The following EMC7 variants were observed in gnomAD, a reference collection of about 807,000 sequenced individuals.
EMC7 encodes ER membrane protein complex subunit 7, also known as endoplasmic reticulum membrane protein complex subunit 7.
Under a neutral mutation model 24.4 loss-of-function variants are expected in EMC7, and 4 were observed. That is an observed-to-expected ratio of 0.16 (90% CI 0.08 to 0.38). The LOEUF (loss-of-function observed/expected upper bound fraction) is 0.38, where lower values mean the gene tolerates loss of function less well. EMC7 is among the 10% of genes least tolerant of loss of function. The pLI is 1.00. For synonymous variants in EMC7, 106 were observed against 112.0 expected (o/e 0.95, Z 0.34); for missense variants, 221 against 300.6 (o/e 0.74, Z 1.96).
chr15:34,095,954 T>A lies in EMC7; in HGVS notation c.297A>T (p.Val99=). The A allele has an allele frequency of 1.2e-6, 2 of 1,611,102 alleles. No individual in the cohort carries two copies. Among genetic ancestry groups the A allele is most frequent in the Non-Finnish European group, 1.7e-6 (2 of 1,177,710 alleles). The change falls in exon 2 of 5, where the codon GTA becomes GTT. Residue 99 remains valine, a synonymous_variant. Transcript: ENST00000256545. The stretch of plus-strand genomic sequence containing the variant: ...CGGGATCAAATCTGTAAGCTGGAGA[T>A]ACAACTTCCACTACATAAGATCCAG... The part of the protein sequence containing the change: ...IPSGSYVVEV[V]SPAYRFDPVR...
chr15:34,086,549 C>T (rs754717184), intron 4 of EMC7, among the ~76,000 whole-genome samples: 1 of 152,162 alleles, frequency 6.6e-6, no homozygotes, highest in Non-Finnish European at 1.5e-5. Flanking sequence ...CTGTCTCAGC[C>T]TCCCAAGTAG....
intron 2 of EMC7, among the ~76,000 whole-genome samples, chr15:34,094,484 G>A (rs548143559): frequency 2.8e-4 from 43 of 152,086 alleles, no homozygotes; most frequent in African/African-American, 9.2e-4. Flanking sequence ...GCAGTGAGCC[G>A]AAATCACACC....
intron 1 of EMC7, among the ~76,000 whole-genome samples, chr15:34,097,280 G>A (rs1396262052): frequency 3.3e-5 from 5 of 151,986 alleles, no homozygotes; most frequent in Admixed American, 1.3e-4. Context: ...TGATCCGCCC[G>A]CCTCGGCCTC....
chr15:34,097,059 A>C (rs1250721057), intron 1 of EMC7, among the ~76,000 whole-genome samples: 2 of 2,114 alleles, frequency 9.5e-4, no homozygotes, highest in African/African-American at 3.4e-3. Flanking sequence ...TTTGAGACGG[A>C]GTCTCACTCT....
At position 34,094,407 on chromosome 15, in the gene EMC7, T is replaced by TGC. The variant is rs541864118; in HGVS notation, c.356+1486_356+1487dup. Among the ~76,000 whole-genome samples the TGC allele has an allele frequency of 3.2e-4, 48 of 152,134 alleles. No individual in the cohort carries two copies. In the South Asian group the frequency reaches 9.3e-3, roughly 30 times the overall value. On this transcript the variant is annotated intron_variant, in intron 2 of 4. Coordinates refer to ENST00000256545, the MANE Select transcript of EMC7 (RefSeq NM_020154.3). ...AAATTAGCCGGGCGTTGGTGGTAGGTGCCTGTAGTCCCAGCTACTTAGGAG... is the reference window on the plus strand; with the variant it reads ...AAATTAGCCGGGCGTTGGTGGTAGGTGCGCCTGTAGTCCCAGCTACTTAGGAG...
In EMC7 at chr15:34,084,278, T is replaced by C. The variant is rs1289084663; in HGVS notation, c.*56A>G. 1.9e-6 allele frequency: 3 copies of C among 1,566,550 alleles called. No individual in the cohort carries two copies. Among genetic ancestry groups the C allele is most frequent in the Admixed American group, 1.8e-5 (1 of 54,804 alleles). ...GTTGCTTCACACGGTTTTCCAAGAC[T>C]TGGATGCCACCCAGTGTTGCCGTGT... On this transcript the variant is annotated 3_prime_UTR_variant, in exon 5 of 5. Transcript: ENST00000256545.
chr15:34,085,009 CTT>C lies in EMC7; in HGVS notation c.577-525_577-524del, dbSNP rs556288884. ...TGAATATATTTGATCATATTCCTCT[CTT>C]ATTTTATGTTTTCTGATTAAAGTGA... On this transcript the variant is annotated intron_variant, in intron 4 of 4. Coordinates refer to ENST00000256545, the MANE Select transcript of EMC7 (RefSeq NM_020154.3). Among the ~76,000 whole-genome samples, 290 of 151,734 alleles carry C rather than the reference CTT, an allele frequency of 1.9e-3. 1 individual carries two copies. The highest frequency in any genetic ancestry group is 6.7e-3 in the African/African-American group (277 of 41,362).
intron 2 of EMC7, among the ~76,000 whole-genome samples, chr15:34,091,257 A>T (rs1900969550): frequency 6.6e-6 from 1 of 152,184 alleles, no homozygotes; most frequent in African/African-American, 2.4e-5. Flanking sequence ...TAAGTACTTT[A>T]AATATACATT....
At chr15:34,099,601 A>G (rs765916121) in intron 1 of EMC7, among the ~76,000 whole-genome samples, 8 of 152,098 alleles carry the variant, frequency 5.3e-5, no homozygotes, top group Non-Finnish European at 1.0e-4. Flanking sequence ...TTAATTCTCC[A>G]TCAATGTTTC....
Position 34,095,184 on chromosome 15 carries a change from A to G in EMC7, c.356+711T>C, listed in dbSNP as rs1030883977. 3.9e-5 allele frequency among the ~76,000 whole-genome samples: 6 copies of G among 152,220 alleles called. No individual in the cohort carries two copies. The East Asian group carries it at 1.2e-3, about 29-fold the overall frequency. On this transcript the variant is annotated intron_variant, in intron 2 of 4. Transcript: ENST00000256545. The stretch of plus-strand genomic sequence containing the variant: ...CAACATAGTCATATTTGATAGCTTA[A>G]AGAAGAGACATTACCACTTAGGAGT...
intron 2 of EMC7, among the ~76,000 whole-genome samples, chr15:34,093,520 A>T (rs548895581): frequency 1.4e-4 from 22 of 151,788 alleles, no homozygotes; most frequent in Non-Finnish European, 2.5e-4. Context: ...ATTTGCTAAG[A>T]CTATTTTATT....
chr15:34,090,307 T>C lies in EMC7; in HGVS notation c.495+10A>G. 1 of 1,608,744 alleles carries C rather than the reference T, an allele frequency of 6.2e-7. No individual in the cohort carries two copies. The highest frequency in any genetic ancestry group is 8.5e-7 in the Non-Finnish European group (1 of 1,178,370). The stretch of plus-strand genomic sequence containing the variant: ...ATTAGTAAAGTGCTTTATTTTAGCC[T>C]GATACATACCATTGGGTTCATTAGA... On this transcript the variant is annotated intron_variant, in intron 3 of 4. Transcript: ENST00000256545.
chr15:34,094,610 G>A (rs745654784), intron 2 of EMC7, among the ~76,000 whole-genome samples: 26 of 151,982 alleles, frequency 1.7e-4, no homozygotes, highest in South Asian at 2.1e-4. Flanking sequence ...GCTGAGGTAC[G>A]AGAATCCCTT....
At chr15:34,098,749 A>G (rs1161787597) in intron 1 of EMC7, among the ~76,000 whole-genome samples, 1 of 151,334 alleles carries the variant, frequency 6.6e-6, no homozygotes, top group Admixed American at 6.6e-5. Context: ...GATTACAGGT[A>G]TGAGCCACCG....
At chr15:34,098,695 C>T (rs1901124452) in intron 1 of EMC7, among the ~76,000 whole-genome samples, 1 of 149,784 alleles carries the variant, frequency 6.7e-6, no homozygotes, top group South Asian at 2.1e-4. Flanking sequence ...TCTCGAACTC[C>T]TGACCTCTGG....
At chr15:34,101,492 C>G in intron 1 of EMC7, 112 bp downstream of exon 1, 1 of 1,142,234 alleles carries the variant, frequency 8.8e-7, no homozygotes. Context: ...GCGGCACCCT[C>G]CCCTTCAGTC....
At position 34,095,909 on chromosome 15, in the gene EMC7, C is replaced by T. The variant is rs1234171426; in HGVS notation, c.342G>A (p.Ser114=). 3.1e-6 allele frequency: 5 copies of T among 1,604,694 alleles called. No individual in the cohort carries two copies. Among genetic ancestry groups the T allele is most frequent in the Non-Finnish European group, 4.3e-6 (5 of 1,173,628 alleles). ...GGTGCCCTCACCTCATTTTTCCTTT[C>T]GAAGTGATATCCACTCGAACGGGAT... The part of the protein sequence containing the change: ...RFDPVRVDIT[S]KGKMRARYVN... Residue 114 remains serine (S), a synonymous_variant, in exon 2 of 5, where the codon TCG becomes TCA. Coordinates refer to ENST00000256545, the MANE Select transcript of EMC7 (RefSeq NM_020154.3).
In EMC7 at chr15:34,084,286, C is replaced by A. The variant is rs746939025; in HGVS notation, c.*48G>T. On this transcript the variant is annotated 3_prime_UTR_variant, in exon 5 of 5. Coordinates refer to ENST00000256545, the MANE Select transcript of EMC7 (RefSeq NM_020154.3). ...ACACGGTTTTCCAAGACTTGGATGC[C>A]ACCCAGTGTTGCCGTGTTTGTGCAA... 6.4e-7 allele frequency: 1 copy of A among 1,571,234 alleles called. No individual in the cohort carries two copies. The highest frequency in any genetic ancestry group is 1.8e-5 in the Admixed American group (1 of 55,430).
At chr15:34,096,143 T>G (rs1212698811) in intron 1 of EMC7, 129 bp from the exon 2 acceptor site, 11 of 1,046,026 alleles carry the variant, frequency 1.1e-5, no homozygotes, top group Non-Finnish European at 1.3e-5. Flanking sequence ...AAACAAAACC[T>G]TGGCGAAAGT....
Sources: allele counts gnomAD v4.1 joint callset (sites outside exome capture counted in the v4.1 genomes callset), GRCh38; gene constraint gnomAD v4.1.1; transcripts MANE v1.5; gene names NCBI Gene and HGNC (gene_info 2026-07-23, HGNC 2026-07-21).